Variants in FAM117B observed in about 807,000 individuals in gnomAD.
The protein encoded by FAM117B is family with sequence similarity 117 member B.
A neutral mutation model predicts 52.8 loss-of-function variants in FAM117B; 22 were observed. The observed-to-expected ratio is 0.42, with a 90% CI of 0.30 to 0.59. The LOEUF is 0.59. Among genes scored for constraint, FAM117B ranks in the 20% least tolerant of loss-of-function variants. The pLI, the probability that FAM117B is intolerant of heterozygous loss-of-function variation, is 0.22. For missense variants in FAM117B, 678 were observed against 802.6 expected, an observed-to-expected ratio of 0.84 and a Z score of 1.88; for synonymous variants, 309 against 324.1, an observed-to-expected ratio of 0.95 and a Z score of 0.50.
intron 7 of FAM117B, among the ~76,000 whole-genome samples, chr2:202,763,858 G>A (rs570861143): frequency 1.3e-5 from 2 of 151,986 alleles, no homozygotes; most frequent in East Asian, 3.9e-4. Flanking sequence ...CTCCCCATCC[G>A]CTGTTTACTC....
chr2:202,647,280 C>G (rs919827066), intron 1 of FAM117B, among the ~76,000 whole-genome samples: 2 of 152,026 alleles, frequency 1.3e-5, no homozygotes, highest in Non-Finnish European at 2.9e-5. Context: ...TCAAAAATTT[C>G]TTTTTCTGTA....
At chr2:202,655,190 G>T (rs1182173261) in intron 1 of FAM117B, among the ~76,000 whole-genome samples, 1 of 152,062 alleles carries the variant, frequency 6.6e-6, no homozygotes, top group African/African-American at 2.4e-5. Flanking sequence ...TCATGTTATT[G>T]CATGTTTCAG....
intron 2 of FAM117B, among the ~76,000 whole-genome samples, chr2:202,709,833 G>A (rs1278620047): frequency 6.6e-6 from 1 of 152,146 alleles, no homozygotes; most frequent in Non-Finnish European, 1.5e-5. Context: ...TGGGGTAAGA[G>A]TCTAGCTTCT....
chr2:202,637,210 C>A (rs937301880), intron 1 of FAM117B, among the ~76,000 whole-genome samples: 13 of 151,470 alleles, frequency 8.6e-5, no homozygotes, highest in Non-Finnish European at 1.6e-4. Context: ...ATAGTGTTTT[C>A]TAATTAGAAC....
chr2:202,693,110 T>A (rs1371504445), intron 1 of FAM117B, among the ~76,000 whole-genome samples: 1 of 152,232 alleles, frequency 6.6e-6, no homozygotes, highest in Non-Finnish European at 1.5e-5. Flanking sequence ...CTAATATAGA[T>A]ATTTTTGTAT....
intron 1 of FAM117B, among the ~76,000 whole-genome samples, chr2:202,680,822 A>T (rs1690451776): frequency 6.6e-6 from 1 of 152,234 alleles, no homozygotes; most frequent in Non-Finnish European, 1.5e-5. Flanking sequence ...ACTATAAAAA[A>T]TGCTAAAGGT....
In FAM117B at chr2:202,766,052, C is replaced by T. The variant is rs138090755; in HGVS notation, c.*288C>T. 1,707 of 324,742 alleles carry T rather than the reference C, an allele frequency of 5.3e-3. 13 individuals carry two copies. Among genetic ancestry groups the T allele is most frequent in the Non-Finnish European group, 7.4e-3 (1,297 of 176,462 alleles). 20.1% of individuals were successfully genotyped at this position (324,742 alleles called of 1,614,324 possible). A position where few individuals can be genotyped will look rare whatever the true frequency, so the allele number is the denominator to read the frequency against. On this transcript the variant is annotated 3_prime_UTR_variant, in exon 8 of 8. Transcript: ENST00000392238. ...ATCACGTTTTTGTTTTCGAATTAGA[C>T]TTCTTTAAAACACACACACACACAC...
chr2:202,691,698 T>TGTGCGCGC (rs1476079292), intron 1 of FAM117B, among the ~76,000 whole-genome samples: 25 of 131,158 alleles, frequency 1.9e-4, no homozygotes, highest in Admixed American at 3.0e-4. Flanking sequence ...TGTGTGTGTG[T>TGTGCGCGC]GCGCGCGCGC....
At chr2:202,641,133 A>G (rs1487418602) in intron 1 of FAM117B, among the ~76,000 whole-genome samples, 3 of 152,252 alleles carry the variant, frequency 2.0e-5, no homozygotes, top group Non-Finnish European at 4.4e-5. Flanking sequence ...AGACAGATAC[A>G]TAAGCATATA....
chr2:202,706,269 T>C (rs1170144365), intron 2 of FAM117B, among the ~76,000 whole-genome samples: 1 of 152,208 alleles, frequency 6.6e-6, no homozygotes, highest in Non-Finnish European at 1.5e-5. Context: ...CATTATTTTT[T>C]CTTGGACCCT....
intron 1 of FAM117B, among the ~76,000 whole-genome samples, chr2:202,647,179 A>G (rs554424430): frequency 4.0e-4 from 61 of 152,242 alleles, no homozygotes; most frequent in African/African-American, 1.5e-3. Context: ...TTACAATAGG[A>G]AAATTTATAA....
intron 4 of FAM117B, among the ~76,000 whole-genome samples, chr2:202,750,157 G>A (rs1439479961): frequency 1.3e-5 from 2 of 152,118 alleles, no homozygotes; most frequent in Non-Finnish European, 1.5e-5. Flanking sequence ...CATGGGAATG[G>A]GAGGTGACTC....
At chr2:202,726,390 A>G (rs771257319) in intron 4 of FAM117B, 27 bp downstream of exon 4, 2 of 1,514,526 alleles carry the variant, frequency 1.3e-6, no homozygotes, top group Non-Finnish European at 1.8e-6. Flanking sequence ...CACAAAATCC[A>G]GAAAAGGAAT....
At position 202,681,814 on chromosome 2, in the gene FAM117B, C is replaced by A. The variant is rs550072282; in HGVS notation, c.602-14067C>A. Among the ~76,000 whole-genome samples, 76 of 152,328 alleles carry A rather than the reference C, an allele frequency of 5.0e-4. 2 individuals are homozygous for A. The South Asian group carries it at 0.016, about 31-fold the overall frequency. ...GAAGAGGGTGAGTCCCTGGCGAGGG[C>A]CCCGCCCTCAAACTGAAAAAGCCTG... On this transcript the variant is annotated intron_variant, in intron 1 of 7. Transcript: ENST00000392238.
chr2:202,746,615 A>T (rs1245158485), intron 4 of FAM117B, among the ~76,000 whole-genome samples: 1 of 152,144 alleles, frequency 6.6e-6, no homozygotes, highest in East Asian at 1.9e-4. Context: ...AGCGTGAACA[A>T]CTATACACTA....
chr2:202,659,549 G>A (rs371886342), intron 1 of FAM117B, among the ~76,000 whole-genome samples: 25 of 147,550 alleles, frequency 1.7e-4, no homozygotes, highest in Middle Eastern at 3.6e-3. Flanking sequence ...AGGCTCAAGC[G>A]ATCCACCCCC....
rs202098357 is a variant in FAM117B, at chr2:202,759,176, A to G, written c.1331-57A>G. On this transcript the variant is annotated intron_variant, in intron 6 of 7. Transcript: ENST00000392238. ...TTCATGGTGGGCTAGTCCAAGAACA[A>G]TTAAATATAGTATGACTATACATTT... is the stretch of plus-strand genomic sequence containing the variant. The G allele has an allele frequency of 7.8e-4, 1,245 of 1,595,550 alleles. 4 individuals are homozygous for G. Among genetic ancestry groups the G allele is most frequent in the Non-Finnish European group, 8.7e-4 (1,015 of 1,170,802 alleles).
intron 1 of FAM117B, among the ~76,000 whole-genome samples, chr2:202,674,499 C>T (rs546553691): frequency 6.6e-6 from 1 of 152,340 alleles, no homozygotes; most frequent in South Asian, 2.1e-4. Context: ...TACTCTGCTG[C>T]ACTTCTGTTC....
At chr2:202,713,713 A>G (rs949661865) in intron 2 of FAM117B, among the ~76,000 whole-genome samples, 4 of 151,852 alleles carry the variant, frequency 2.6e-5, no homozygotes, top group African/African-American at 4.8e-5. Context: ...TTGTGTTTCC[A>G]TTATTTTTTT....
Sources: gnomAD v4.1 joint callset for allele counts (sites outside exome capture counted in the v4.1 genomes callset) on GRCh38, gnomAD v4.1.1 for gene constraint, MANE v1.5 for transcripts, NCBI Gene and HGNC (gene_info 2026-07-23, HGNC 2026-07-21) for gene names.